The following HK1 variants were observed in gnomAD, a reference collection of about 807,000 sequenced individuals.
HK1 encodes the protein hexokinase-1.
Under a neutral mutation model 91.6 loss-of-function variants are expected in HK1, and 28 were observed. The observed-to-expected ratio is 0.31, with a 90% CI of 0.23 to 0.42. The LOEUF (loss-of-function observed/expected upper bound fraction) is 0.42. Among genes scored for constraint, HK1 ranks in the 10% least tolerant of loss-of-function variants. HK1 has a pLI of 1.00. For missense variants in HK1, 770 were observed against 1,219.8 expected (o/e 0.63, Z 5.49); for synonymous variants, 430 against 468.1 (o/e 0.92, Z 1.05).
chr10:69,364,792 C>T lies in HK1; in HGVS notation c.385C>T (p.His129Tyr). 3 of 1,614,106 alleles carry T rather than the reference C, an allele frequency of 1.9e-6. No homozygotes were observed. The highest frequency in any genetic ancestry group is 2.5e-6 in the Non-Finnish European group (3 of 1,180,014). ...CTCATGTTTCCTTCAGCTTTTTGAT[C>T]ATGTTGCTGAGTGCCTGGGAGATTT... ...VHGSGSQLFD[H>Y]VAECLGDFME... Residue 129 changes from histidine to tyrosine, a missense_variant, in exon 4 of 18, where the codon CAT becomes TAT. Physicochemically the swap from His to Tyr is moderately conservative, Grantham distance 83. Around this residue, in one of 7 missense-constraint regions of HK1, gnomAD observed 449 missense variants for 665.1 expected, o/e 0.68. Transcript: ENST00000359426.
chr10:69,378,030 A>G (rs1170945205), intron 8 of HK1, among the ~76,000 whole-genome samples: 1 of 152,204 alleles, frequency 6.6e-6, no homozygotes, highest in East Asian at 1.9e-4. Flanking sequence ...GGAAGAGGAA[A>G]GGGGTTTATC....
chr10:69,381,635 C>T (rs1839393072), intron 9 of HK1, among the ~76,000 whole-genome samples: 1 of 150,560 alleles, frequency 6.6e-6, no homozygotes, highest in South Asian at 2.1e-4. Context: ...CTCACTGCAA[C>T]CTCTGCCTCC....
chr10:69,401,628 G>A lies in HK1; in HGVS notation c.*493G>A, dbSNP rs773330149. 1.3e-5 allele frequency: 5 copies of A among 389,368 alleles called. 1 individual carries two copies. The highest frequency in any genetic ancestry group is 5.7e-5 in the South Asian group (3 of 53,094). The allele number at this position is 389,368 out of a possible 1,614,324, so 24.1% of individuals were successfully genotyped here. A position where few individuals can be genotyped will look rare whatever the true frequency, so the allele number is the denominator to read the frequency against. ...AGCATTAGCTGCTTCCTCCCCTCCTGGCACCCACTGTGGCCTGGCATCGCA... is the reference window on the plus strand; with the variant it reads ...AGCATTAGCTGCTTCCTCCCCTCCTAGCACCCACTGTGGCCTGGCATCGCA... On this transcript the variant is annotated 3_prime_UTR_variant, in exon 18 of 18. Coordinates refer to ENST00000359426, the MANE Select transcript of HK1 (RefSeq NM_000188.3).
chr10:69,346,715 A>T (rs964881032), intron 2 of HK1, among the ~76,000 whole-genome samples: 2 of 151,892 alleles, frequency 1.3e-5, no homozygotes, highest in African/African-American at 4.8e-5. Flanking sequence ...GTATATCATT[A>T]AAAAAACCCC....
chr10:69,386,187 T>A (rs189332054), intron 12 of HK1, 136 bp from the exon 13 acceptor site: 2 of 720,390 alleles, frequency 2.8e-6, no homozygotes, highest in African/African-American at 3.5e-5. Context: ...TATTGGTTTG[T>A]CCTCAGATGT....
At chr10:69,373,688 T>TC (rs1310118998) in intron 7 of HK1, among the ~76,000 whole-genome samples, 1 of 151,862 alleles carries the variant, frequency 6.6e-6, no homozygotes, top group African/African-American at 2.4e-5. Context: ...ACTCCCAGGC[T>TC]TAGGTGATCC....
At chr10:69,280,407 A>G (rs1029413291) in intron 1 of HK1, among the ~76,000 whole-genome samples, 4 of 152,212 alleles carry the variant, frequency 2.6e-5, no homozygotes, top group South Asian at 2.1e-4. Flanking sequence ...GTGAGCCACC[A>G]CGCCCAGCCC....
At chr10:69,367,807 T>C (rs1849783855) in intron 4 of HK1, among the ~76,000 whole-genome samples, 1 of 152,242 alleles carries the variant, frequency 6.6e-6, no homozygotes, top group African/African-American at 2.4e-5. Context: ...ATTTTTCTGT[T>C]CTCATATCTT....
At chr10:69,325,808 A>G (rs960141033) in intron 1 of HK1, among the ~76,000 whole-genome samples, 2 of 148,998 alleles carry the variant, frequency 1.3e-5, no homozygotes, top group Admixed American at 6.7e-5. Flanking sequence ...AAATGCTGGG[A>G]TTACGGGTGC....
intron 1 of HK1, among the ~76,000 whole-genome samples, chr10:69,331,080 A>T (rs565508924): frequency 6.6e-6 from 1 of 152,070 alleles, no homozygotes; most frequent in South Asian, 2.1e-4. Context: ...GGGTTTCACC[A>T]TGTTGACTAG....
intron 2 of HK1, among the ~76,000 whole-genome samples, chr10:69,351,988 T>C (rs1373160427): frequency 1.4e-5 from 2 of 146,340 alleles, no homozygotes; most frequent in South Asian, 4.7e-4. Flanking sequence ...TTTTTTCAGT[T>C]ATTTCAATTT....
intron 7 of HK1, among the ~76,000 whole-genome samples, chr10:69,370,691 G>A (rs75083616): frequency 0.048 from 7,320 of 152,252 alleles, 205 homozygotes; most frequent in African/African-American, 0.076. Flanking sequence ...GTTGGGGTAA[G>A]AAGAGTATAA....
At position 69,381,216 on chromosome 10, in the gene HK1, G is replaced by T. The variant is rs113363746; in HGVS notation, c.1265+1121G>T. ...GGTGGGAGGATCACTTGAGCATGGG[G>T]GTGCAGAGGTTGCAGTGACCTGATG... On this transcript the variant is annotated intron_variant, in intron 9 of 17. Transcript: ENST00000359426. Among the ~76,000 whole-genome samples the T allele has an allele frequency of 7.9e-5, 12 of 152,160 alleles. 1 individual carries two copies. Among genetic ancestry groups the T allele is most frequent in the African/African-American group, 2.9e-4 (12 of 41,502 alleles).
intron 2 of HK1, among the ~76,000 whole-genome samples, chr10:69,350,013 C>T (rs189336846): frequency 3.9e-5 from 6 of 152,330 alleles, no homozygotes; most frequent in African/African-American, 1.2e-4. Flanking sequence ...CATAGGCCAT[C>T]TCTCCTCTTA....
intron 9 of HK1, among the ~76,000 whole-genome samples, chr10:69,381,750 C>T (rs984708560): frequency 6.6e-6 from 1 of 152,078 alleles, no homozygotes; most frequent in African/African-American, 2.4e-5. Context: ...GACGGGGTTT[C>T]ACCATGTTGG....
At chr10:69,338,466 CA>C (rs1848110364) in intron 1 of HK1, 2 of 1,278,152 alleles carry the variant, frequency 1.6e-6, no homozygotes, top group African/African-American at 3.0e-5. Flanking sequence ...GGGTTTCTGT[CA>C]TGACTCCTGG....
intron 3 of HK1, among the ~76,000 whole-genome samples, chr10:69,288,994 C>A (rs188759321): frequency 3.3e-4 from 50 of 152,260 alleles, no homozygotes; most frequent in African/African-American, 1.2e-3. Flanking sequence ...CCATGTTGGT[C>A]AGGCTGGTCT....
At chr10:69,368,710 C>G (rs986255413) in intron 5 of HK1, 79 bp downstream of exon 5, 1 of 1,112,332 alleles carries the variant, frequency 9.0e-7, no homozygotes, top group Non-Finnish European at 1.4e-6. Flanking sequence ...GACCAGTGCC[C>G]TTCCTGGGGG....
chr10:69,291,455 GC>G (rs1845293671), intron 3 of HK1, among the ~76,000 whole-genome samples: 1 of 152,174 alleles, frequency 6.6e-6, no homozygotes, highest in Non-Finnish European at 1.5e-5. Flanking sequence ...CATTTACCAA[GC>G]AAATCCTCTA....
Sources: gnomAD v4.1 joint callset for allele counts (sites outside exome capture counted in the v4.1 genomes callset) on GRCh38, gnomAD v4.1.1 for gene constraint, gnomAD v4.1.1 regional missense constraint, MANE v1.5 for transcripts, NCBI Gene and HGNC (gene_info 2026-07-23, HGNC 2026-07-21) for gene names.